Variants in ART3 observed in about 807,000 individuals in gnomAD.
ART3 encodes ecto-ADP-ribosyltransferase 3.
A neutral mutation model predicts 48.5 loss-of-function variants in ART3; 49 were observed. The observed-to-expected ratio is 1.01, with a 90% confidence interval of 0.80 to 1.28. ART3 has a LOEUF of 1.28. Ranked by LOEUF, ART3 falls within the 50% of genes most tolerant of loss-of-function variation. The probability of loss-of-function intolerance (pLI) is 0.00; values close to 1 mark genes in which losing one functional copy is unlikely to be tolerated. For synonymous variants in ART3, 145 were observed against 157.2 expected (o/e 0.92, Z 0.58); for missense variants, 438 against 454.3 (o/e 0.96, Z 0.33).
chr4:76,091,746 A>G (rs934221156), intron 3 of ART3, among the ~76,000 whole-genome samples: 2 of 147,800 alleles, frequency 1.4e-5, no homozygotes, highest in African/African-American at 5.1e-5. Flanking sequence ...CAGTGGCACA[A>G]TTTTGGCTCA....
intron 1 of ART3, among the ~76,000 whole-genome samples, chr4:76,066,389 G>A (rs552740809): frequency 6.6e-6 from 1 of 152,228 alleles, no homozygotes; most frequent in Non-Finnish European, 1.5e-5. Context: ...CCCTCTGTGG[G>A]CAGGCAGGTC....
chr4:76,034,487 A>C (rs1481707457), intron 1 of ART3: 19 of 519,458 alleles, frequency 3.7e-5, no homozygotes. Flanking sequence ...ACGTGAAAGC[A>C]CTTTGTAAAC....
At chr4:76,067,561 A>C (rs969436810) in intron 1 of ART3, among the ~76,000 whole-genome samples, 3 of 152,192 alleles carry the variant, frequency 2.0e-5, no homozygotes, top group East Asian at 3.8e-4. Flanking sequence ...CAGAGAACAA[A>C]CTACAATTTT....
At chr4:76,095,636 A>G (rs1725837585) in intron 3 of ART3, among the ~76,000 whole-genome samples, 1 of 152,204 alleles carries the variant, frequency 6.6e-6, no homozygotes. Context: ...CCCCCTCTAG[A>G]AAGTATGTAG....
intron 1 of ART3, among the ~76,000 whole-genome samples, chr4:76,018,332 G>A (rs1732448102): frequency 6.6e-6 from 1 of 152,114 alleles, no homozygotes; most frequent in South Asian, 2.1e-4. Context: ...AATTAACACA[G>A]GAACAGAAAA....
Position 76,112,414 on chromosome 4 carries a change from C to T in ART3, c.1065C>T (p.Pro355=), listed in dbSNP as rs760687542. ...PTPGPVPVPG[P]KSHPSASSGK... ...CAGGTCCAGTTCCTGTTCCAGGTCC[C>T]AAAAGCCATCCTTCTGCATCCTCGG... Residue 355 remains proline (P), a synonymous_variant, in exon 12 of 12, where the codon CCC becomes CCT. Transcript: ENST00000355810. 6.2e-7 allele frequency: 1 copy of T among 1,613,878 alleles called. No homozygotes were observed. The highest frequency in any genetic ancestry group is 2.2e-5 in the East Asian group (1 of 44,864).
intron 4 of ART3, among the ~76,000 whole-genome samples, 166 bp downstream of exon 4, chr4:76,097,842 A>G (rs1272356716): frequency 5.3e-5 from 8 of 152,212 alleles, no homozygotes; most frequent in Admixed American, 4.6e-4. Context: ...TGGAGAGCCT[A>G]GGAGCCTTTG....
intron 1 of ART3, among the ~76,000 whole-genome samples, chr4:76,012,523 G>A (rs1731900563): frequency 6.6e-6 from 1 of 152,120 alleles, no homozygotes; most frequent in Admixed American, 6.5e-5. Context: ...AGCTGTGGGA[G>A]GTTTTATATC....
At chr4:76,093,012 G>C (rs1388965213) in intron 3 of ART3, among the ~76,000 whole-genome samples, 1 of 152,110 alleles carries the variant, frequency 6.6e-6, no homozygotes, top group African/African-American at 2.4e-5. Context: ...GTGTTGGTAG[G>C]GCTGCATTCC....
At chr4:76,106,161 A>G in intron 10 of ART3, 2 of 985,460 alleles carry the variant, frequency 2.0e-6, no homozygotes, top group Non-Finnish European at 2.4e-6. Context: ...GCTAGAGACA[A>G]CCAGGACTCA....
chr4:76,104,005 A>G, intron 9 of ART3, 36 bp downstream of exon 9: 1 of 1,602,236 alleles, frequency 6.2e-7, no homozygotes, highest in Non-Finnish European at 8.5e-7. Flanking sequence ...TGAGCCCAAG[A>G]ATGAGTTGAG....
At chr4:76,089,699 A>G (rs913204271) in intron 3 of ART3, among the ~76,000 whole-genome samples, 2 of 148,810 alleles carry the variant, frequency 1.3e-5, no homozygotes, top group African/African-American at 5.0e-5. Flanking sequence ...TATAACCTGT[A>G]GCTTTAAAAC....
At chr4:76,020,862 T>C (rs1732736271) in intron 1 of ART3, among the ~76,000 whole-genome samples, 1 of 151,492 alleles carries the variant, frequency 6.6e-6, no homozygotes, top group Non-Finnish European at 1.5e-5. Flanking sequence ...TCTAAAAAAA[T>C]AAGAGATTAA....
chr4:76,070,221 G>T (rs541605812), upstream of ART3, among the ~76,000 whole-genome samples: 1 of 151,770 alleles, frequency 6.6e-6, no homozygotes, highest in East Asian at 1.9e-4. Context: ...GTAGAATTAC[G>T]GGGTCATATG....
intron 3 of ART3, among the ~76,000 whole-genome samples, chr4:76,089,828 T>TCC (rs1250315028): frequency 6.6e-6 from 1 of 152,130 alleles, no homozygotes; most frequent in African/African-American, 2.4e-5. Context: ...ACGTCTGTAA[T>TCC]CCCAGCACTT....
chr4:76,101,185 T>A (rs1014266623), intron 8 of ART3, among the ~76,000 whole-genome samples, 166 bp downstream of exon 8: 1 of 152,210 alleles, frequency 6.6e-6, no homozygotes, highest in Admixed American at 6.5e-5. Flanking sequence ...CAGGTAGAAT[T>A]CTTTAGAAAA....
chr4:76,050,026 T>C (rs1435917937), intron 1 of ART3, among the ~76,000 whole-genome samples: 1 of 151,852 alleles, frequency 6.6e-6, no homozygotes, highest in Non-Finnish European at 1.5e-5. Flanking sequence ...TCTGGAGTTG[T>C]TCGTTCCTCC....
At chr4:76,089,974 G>C (rs1416549024) in intron 3 of ART3, among the ~76,000 whole-genome samples, 1 of 152,156 alleles carries the variant, frequency 6.6e-6, no homozygotes, top group African/African-American at 2.4e-5. Context: ...CAGCTACTCG[G>C]GAGGCTGAGG....
chr4:76,070,728 T>C (rs1178023512), upstream of ART3, among the ~76,000 whole-genome samples: 7 of 152,176 alleles, frequency 4.6e-5, no homozygotes, highest in Admixed American at 4.6e-4. Flanking sequence ...TTTCATTCTT[T>C]CTCCAATTTC....
Sources: gnomAD v4.1 joint callset for allele counts (sites outside exome capture counted in the v4.1 genomes callset) on GRCh38, gnomAD v4.1.1 for gene constraint, MANE v1.5 for transcripts, NCBI Gene and HGNC (gene_info 2026-07-23, HGNC 2026-07-21) for gene names.